Variants in GPATCH2 observed in about 807,000 individuals in gnomAD.
GPATCH2 encodes the protein G patch domain-containing protein 2.
In GPATCH2, 51 loss-of-function variants were observed where a neutral mutation model predicts 58.0. The ratio of observed to expected loss-of-function variants is 0.88; its 90% CI spans 0.70 to 1.11. GPATCH2 has a LOEUF of 1.11. Ranked by LOEUF, GPATCH2 falls within the 50% of genes most tolerant of loss-of-function variation. The pLI is 0.00. For missense variants in GPATCH2, 625 were observed against 652.2 expected (o/e 0.96, Z 0.45); for synonymous variants, 222 against 218.5 (o/e 1.02, Z -0.14).
At chr1:217,599,306 G>A (rs1054064774) in intron 5 of GPATCH2, among the ~76,000 whole-genome samples, 1 of 152,150 alleles carries the variant, frequency 6.6e-6, no homozygotes, top group African/African-American at 2.4e-5. Flanking sequence ...TTGCAGTTAT[G>A]TGTGATATGG....
chr1:217,498,459 C>T (rs1005582196), intron 6 of GPATCH2, 64 bp from the exon 7 acceptor site: 7 of 1,197,964 alleles, frequency 5.8e-6, no homozygotes, highest in Admixed American at 1.7e-5. Context: ...CTCACATGAT[C>T]GAGCCGCATG....
chr1:217,543,526 C>G (rs1052354680), intron 5 of GPATCH2, among the ~76,000 whole-genome samples: 7 of 152,074 alleles, frequency 4.6e-5, no homozygotes, highest in African/African-American at 1.7e-4. Flanking sequence ...GTCTCGGCCT[C>G]CCAAAGTGTT....
chr1:217,431,574 C>T (rs1434400674), intron 9 of GPATCH2, among the ~76,000 whole-genome samples: 1 of 152,204 alleles, frequency 6.6e-6, no homozygotes. Context: ...TAGCACTTCA[C>T]AGCAGGGTGA....
At chr1:217,450,214 T>C (rs1160095087) in intron 8 of GPATCH2, among the ~76,000 whole-genome samples, 1 of 152,050 alleles carries the variant, frequency 6.6e-6, no homozygotes, top group Non-Finnish European at 1.5e-5. Context: ...CTGGGGAACA[T>C]GAAGCAGAAA....
intron 5 of GPATCH2, among the ~76,000 whole-genome samples, chr1:217,524,373 C>T (rs940140799): frequency 6.7e-6 from 1 of 149,710 alleles, no homozygotes; most frequent in African/African-American, 2.5e-5. Flanking sequence ...CCTCACTTTC[C>T]AGACTGAGCA....
chr1:217,490,825 T>C (rs1012750607), intron 8 of GPATCH2, among the ~76,000 whole-genome samples: 3 of 152,240 alleles, frequency 2.0e-5, no homozygotes, highest in Non-Finnish European at 4.4e-5. Flanking sequence ...TGATGGTGAA[T>C]TATCCCATTT....
intron 2 of GPATCH2, among the ~76,000 whole-genome samples, chr1:217,614,925 T>C (rs1003034736): frequency 1.6e-4 from 24 of 151,980 alleles, no homozygotes; most frequent in African/African-American, 5.8e-4. Context: ...CTAATAGAAG[T>C]AATGCTTATA....
At chr1:217,509,051 A>G (rs1379765595) in intron 6 of GPATCH2, among the ~76,000 whole-genome samples, 1 of 152,186 alleles carries the variant, frequency 6.6e-6, no homozygotes, top group Non-Finnish European at 1.5e-5. Flanking sequence ...TTCAAAAATA[A>G]GACTGCAGCC....
intron 8 of GPATCH2, among the ~76,000 whole-genome samples, chr1:217,465,799 T>A (rs1422145254): frequency 6.6e-6 from 1 of 152,136 alleles, no homozygotes; most frequent in Admixed American, 6.6e-5. Flanking sequence ...CAATAACAAC[T>A]AGCTACTAAA....
intron 5 of GPATCH2, among the ~76,000 whole-genome samples, chr1:217,588,918 A>G (rs150808585): frequency 6.8e-4 from 104 of 152,358 alleles, no homozygotes; most frequent in Non-Finnish European, 1.4e-3. Flanking sequence ...TTAAGCATGT[A>G]ACTAATAACA....
At chr1:217,431,443 C>A in intron 9 of GPATCH2, 78 bp from the exon 10 acceptor site, 1 of 864,108 alleles carries the variant, frequency 1.2e-6, no homozygotes, top group Non-Finnish European at 2.0e-6. Context: ...ACGATGTTCT[C>A]CTAAGTTTTG....
chr1:217,463,681 C>G (rs924389080), intron 8 of GPATCH2, among the ~76,000 whole-genome samples: 13 of 132,556 alleles, frequency 9.8e-5, no homozygotes, highest in African/African-American at 3.5e-4. Flanking sequence ...AAAAGGCAGG[C>G]ATAGTGATGT....
chr1:217,453,538 T>G (rs1489940835), intron 8 of GPATCH2, among the ~76,000 whole-genome samples: 2 of 152,216 alleles, frequency 1.3e-5, no homozygotes, highest in Non-Finnish European at 2.9e-5. Flanking sequence ...TTTTGTTTTA[T>G]TTTGCTTTTT....
At chr1:217,551,655 C>T (rs1351901843) in intron 5 of GPATCH2, among the ~76,000 whole-genome samples, 2 of 152,176 alleles carry the variant, frequency 1.3e-5, no homozygotes, top group Non-Finnish European at 1.5e-5. Flanking sequence ...ATCTCACTCA[C>T]TGTTGTGTTT....
At chr1:217,448,749 T>C (rs1207650494) in intron 9 of GPATCH2, among the ~76,000 whole-genome samples, 8 of 152,120 alleles carry the variant, frequency 5.3e-5, no homozygotes, top group Admixed American at 6.5e-5. Flanking sequence ...CTAGTACTAA[T>C]GTTGTCTAAA....
Position 217,611,081 on chromosome 1 carries a change from T to TA in GPATCH2, c.836-11dup, listed in dbSNP as rs565381492. 68 of 1,603,088 alleles carry TA rather than the reference T, an allele frequency of 4.2e-5. No individual in the cohort carries two copies. The South Asian group carries it at 7.6e-4, about 18-fold the overall frequency. On this transcript the variant is annotated splice_polypyrimidine_tract_variant and intron_variant, in intron 3 of 9. Coordinates refer to ENST00000366935, the MANE Select transcript of GPATCH2 (RefSeq NM_018040.5). ...CTCTGTTCATCATCACCTGTGCAAA[T>TA]ACAAGAAACCCCCCCCCACCAAAGA...
chr1:217,596,550 A>T (rs1021458563), intron 5 of GPATCH2, among the ~76,000 whole-genome samples: 2 of 152,230 alleles, frequency 1.3e-5, no homozygotes, highest in South Asian at 4.1e-4. Flanking sequence ...CTGGCAATTA[A>T]TAAGAACTCA....
At chr1:217,609,651 CCT>C in intron 5 of GPATCH2, 15 of 977,070 alleles carry the variant, frequency 1.5e-5, no homozygotes, top group Non-Finnish European at 1.8e-5. Context: ...GTTAAAATAC[CCT>C]GAGTAAAATG....
chr1:217,432,383 G>T (rs544412714), intron 9 of GPATCH2, among the ~76,000 whole-genome samples: 1 of 152,026 alleles, frequency 6.6e-6, no homozygotes, highest in East Asian at 1.9e-4. Context: ...TGTATATTTT[G>T]TTCTAGGGAA....
Sources: gnomAD v4.1 joint callset for allele counts (sites outside exome capture counted in the v4.1 genomes callset) on GRCh38, gnomAD v4.1.1 for gene constraint, MANE v1.5 for transcripts, NCBI Gene and HGNC (gene_info 2026-07-23, HGNC 2026-07-21) for gene names.